Variants in MARCHF6 observed in about 807,000 individuals in gnomAD.
MARCHF6 encodes E3 ubiquitin-protein ligase MARCHF6.
Under a neutral mutation model 133.7 loss-of-function variants are expected in MARCHF6, and 31 were observed. That is an observed-to-expected ratio of 0.23 (90% CI 0.17 to 0.31). The LOEUF (loss-of-function observed/expected upper bound fraction) is 0.31. Among genes scored for constraint, MARCHF6 ranks in the 10% least tolerant of loss-of-function variants. MARCHF6 has a pLI of 1.00. For synonymous variants in MARCHF6, 395 were observed against 402.5 expected (o/e 0.98, Z 0.22); for missense variants, 723 against 1,121.6 (o/e 0.64, Z 5.08).
At chr5:10,368,726 T>G (rs1736283591) in intron 1 of MARCHF6, among the ~76,000 whole-genome samples, 1 of 151,986 alleles carries the variant, frequency 6.6e-6, no homozygotes, top group South Asian at 2.1e-4. Flanking sequence ...ACTACAGGTG[T>G]GCGCCACCAC....
chr5:10,376,881 T>A (rs970109305), intron 1 of MARCHF6, among the ~76,000 whole-genome samples: 1 of 152,176 alleles, frequency 6.6e-6, no homozygotes, highest in African/African-American at 2.4e-5. Flanking sequence ...GAATTTCCCG[T>A]GAGAGATTAG....
At position 10,353,695 on chromosome 5, in the gene MARCHF6, G is replaced by A. The variant is rs866425547; in HGVS notation, c.-204G>A. On this transcript the variant is annotated 5_prime_UTR_variant, in exon 1 of 26. Transcript: ENST00000274140. Reference sequence around the variant, plus strand: ...CCCCGCCCAGGCCTCGCCCCTAGGTGTTCCCGCCCCTCCCCCTCCCGTGTC... The same window carrying A: ...CCCCGCCCAGGCCTCGCCCCTAGGTATTCCCGCCCCTCCCCCTCCCGTGTC... The A allele has an allele frequency of 1.7e-5, 8 of 468,024 alleles. No individual in the cohort carries two copies. In the Middle Eastern group the frequency reaches 1.3e-3, roughly 78 times the overall value. 29.0% of individuals were successfully genotyped at this position (468,024 alleles called of 1,614,324 possible). A position where few individuals can be genotyped will look rare whatever the true frequency, so the allele number is the denominator to read the frequency against.
chr5:10,400,991 A>C lies in MARCHF6; in HGVS notation c.972+149A>C, dbSNP rs1045807331. 32 of 614,726 alleles carry C rather than the reference A, an allele frequency of 5.2e-5. No homozygotes were observed. In the Admixed American group the frequency reaches 8.3e-4, roughly 16 times the overall value. 38.1% of individuals were successfully genotyped at this position (614,726 alleles called of 1,614,324 possible). A position where few individuals can be genotyped will look rare whatever the true frequency, so the allele number is the denominator to read the frequency against. On this transcript the variant is annotated intron_variant, in intron 11 of 25. Coordinates refer to ENST00000274140, the MANE Select transcript of MARCHF6 (RefSeq NM_005885.4). ...AATACCGTCTCATTCTTTTTTAAAA[A>C]AAATAACAGTGGCTCAAGAGATAGT...
intron 2 of MARCHF6, among the ~76,000 whole-genome samples, chr5:10,378,162 A>G (rs1444158850): frequency 6.6e-6 from 1 of 152,182 alleles, no homozygotes; most frequent in Non-Finnish European, 1.5e-5. Context: ...TATTTCTACC[A>G]TGGAGAGCTT....
In MARCHF6 at chr5:10,377,799, CAT is replaced by C; in HGVS notation, c.24_25del (p.Ile8MetfsTer2). 6.2e-7 allele frequency: 1 copy of C among 1,604,762 alleles called. No homozygotes were observed. The stretch of plus-strand genomic sequence containing the variant: ...TCAATTTTCCTTTTTCATTGGCAGA[CAT>C]ATGTAGAGTGTGTCGGTCAGAAGGA... MDTAEEDICRVCRSEGTP... is the reference protein window; with the variant it reads MDTAEEDXCRVCRSEGTP... On this transcript the variant is annotated frameshift_variant and splice_region_variant, in exon 2 of 26. Coordinates refer to ENST00000274140, the MANE Select transcript of MARCHF6 (RefSeq NM_005885.4). LOFTEE classifies it high-confidence loss of function.
Position 10,363,371 on chromosome 5 carries a change from C to T in MARCHF6, c.19+9454C>T, listed in dbSNP as rs139886781. ...TCCAAAGATTTGTATAGACACTTCA[C>T]TAAAAAATACATGTACATGGCTATT... On this transcript the variant is annotated intron_variant, in intron 1 of 25. Transcript: ENST00000274140. Among the ~76,000 whole-genome samples, 1,037 of 152,258 alleles carry T rather than the reference C, an allele frequency of 6.8e-3. 13 individuals are homozygous for T. The highest frequency in any genetic ancestry group is 0.023 in the African/African-American group (973 of 41,548).
chr5:10,416,416 G>A (rs1240057889), intron 21 of MARCHF6, among the ~76,000 whole-genome samples: 3 of 152,150 alleles, frequency 2.0e-5, no homozygotes, highest in Non-Finnish European at 4.4e-5. Context: ...TATAGTGAGA[G>A]ATTCATTATA....
chr5:10,377,331 G>A (rs1018841178), intron 1 of MARCHF6, among the ~76,000 whole-genome samples: 1 of 152,154 alleles, frequency 6.6e-6, no homozygotes, highest in African/African-American at 2.4e-5. Context: ...TTGTGGGGTG[G>A]GGTGACATGA....
intron 18 of MARCHF6, 25 bp from the exon 19 acceptor site, chr5:10,411,308 T>C (rs761197867): frequency 1.6e-5 from 25 of 1,590,542 alleles, no homozygotes; most frequent in Non-Finnish European, 2.1e-5. Context: ...AAGTGAGACT[T>C]GTTACTGATG....
At chr5:10,404,084 T>C (rs905015859) in intron 15 of MARCHF6, among the ~76,000 whole-genome samples, 23 of 149,426 alleles carry the variant, frequency 1.5e-4, no homozygotes, top group African/African-American at 5.1e-4. Context: ...TATTTACTTA[T>C]TTACTTTTTG....
chr5:10,358,394 A>G (rs1246725648), intron 1 of MARCHF6, among the ~76,000 whole-genome samples: 1 of 152,202 alleles, frequency 6.6e-6, no homozygotes, highest in East Asian at 1.9e-4. Flanking sequence ...CTTGATATGC[A>G]GCCAGCTTTC....
rs1738950833 is a variant in MARCHF6 at position 10,407,161 on chromosome 5, T to C, written c.1512T>C (p.Ser504=). 6.2e-7 allele frequency: 1 copy of C among 1,613,212 alleles called. No homozygotes were observed. Residue 504 remains serine, a synonymous_variant, in exon 17 of 26, where the codon AGT becomes AGC. Transcript: ENST00000274140. ...MLWLPIRIIK[S]VLPNFLPYNV... ...GGCTTCCTATACGTATAATTAAGAG[T>C]GTGCTGCCTAATTTTCTTCCATACA... is the stretch of plus-strand genomic sequence containing the variant.
chr5:10,404,144 T>G (rs1449181519), intron 15 of MARCHF6, among the ~76,000 whole-genome samples: 1 of 151,918 alleles, frequency 6.6e-6, no homozygotes, highest in African/African-American at 2.4e-5. Context: ...GCCATGATCT[T>G]GGAACCTCCA....
At position 10,426,538 on chromosome 5, in the gene MARCHF6, T is replaced by C; in HGVS notation, c.2506+16T>C. 1 of 1,612,814 alleles carries C rather than the reference T, an allele frequency of 6.2e-7. No individual in the cohort carries two copies. The highest frequency in any genetic ancestry group is 8.5e-7 in the Non-Finnish European group (1 of 1,179,640). On this transcript the variant is annotated intron_variant, in intron 24 of 25. Coordinates refer to ENST00000274140, the MANE Select transcript of MARCHF6 (RefSeq NM_005885.4). ...CCTTTACTAGGTACGTAATGCTGGT[T>C]GTGGAGCCTTGAAGGAGCACTTTTA...
At chr5:10,370,970 G>A (rs915903922) in intron 1 of MARCHF6, among the ~76,000 whole-genome samples, 5 of 152,148 alleles carry the variant, frequency 3.3e-5, no homozygotes, top group Admixed American at 2.6e-4. Flanking sequence ...AAACATTCAC[G>A]ATAACCTGGT....
intron 25 of MARCHF6, among the ~76,000 whole-genome samples, chr5:10,430,230 G>C (rs1411444936): frequency 1.3e-5 from 2 of 151,468 alleles, no homozygotes; most frequent in Non-Finnish European, 2.9e-5. Flanking sequence ...AGGGAATATG[G>C]AGTTGTCATT....
At chr5:10,361,135 A>G (rs914427580) in intron 1 of MARCHF6, among the ~76,000 whole-genome samples, 2 of 152,246 alleles carry the variant, frequency 1.3e-5, no homozygotes, top group Admixed American at 6.5e-5. Context: ...GGTAGAGGGA[A>G]TGGAAAGAAT....
chr5:10,406,131 C>T (rs1391421279), intron 16 of MARCHF6, among the ~76,000 whole-genome samples: 1 of 152,180 alleles, frequency 6.6e-6, no homozygotes. Flanking sequence ...TTATGAGAAT[C>T]TAATGCCTGA....
intron 1 of MARCHF6, among the ~76,000 whole-genome samples, chr5:10,364,764 A>T (rs1163016949): frequency 4.6e-5 from 7 of 152,160 alleles, no homozygotes; most frequent in Non-Finnish European, 1.0e-4. Context: ...GCTGGTTTTT[A>T]GAAACAAGTA....
Sources: gnomAD v4.1 joint callset for allele counts (sites outside exome capture counted in the v4.1 genomes callset) on GRCh38, gnomAD v4.1.1 for gene constraint, MANE v1.5 for transcripts, NCBI Gene and HGNC (gene_info 2026-07-23, HGNC 2026-07-21) for gene names.